The following CLSTN2 variants were observed in gnomAD, a reference collection of about 807,000 sequenced individuals.
CLSTN2 encodes the protein calsyntenin-2.
Under a neutral mutation model 101.2 loss-of-function variants are expected in CLSTN2, and 48 were observed. The observed-to-expected ratio is 0.47, with a 90% CI of 0.38 to 0.60. The LOEUF (loss-of-function observed/expected upper bound fraction) is 0.60, where lower values mean the gene tolerates loss of function less well. CLSTN2 is among the 20% of genes least tolerant of loss of function. CLSTN2 has a pLI of 0.00. For missense variants in CLSTN2, 1,160 were observed against 1,238.2 expected, an observed-to-expected ratio of 0.94 and a Z score of 0.95; for synonymous variants, 481 against 463.6, an observed-to-expected ratio of 1.04 and a Z score of -0.48.
At chr3:140,188,354 A>C (rs1199575399) in intron 2 of CLSTN2, among the ~76,000 whole-genome samples, 1 of 152,194 alleles carries the variant, frequency 6.6e-6, no homozygotes, top group Non-Finnish European at 1.5e-5. Context: ...AGTTCTCAGT[A>C]AATATTTGTT....
intron 10 of CLSTN2, among the ~76,000 whole-genome samples, chr3:140,548,240 A>G (rs917014886): frequency 3.9e-5 from 6 of 152,200 alleles, no homozygotes; most frequent in Non-Finnish European, 5.9e-5. Flanking sequence ...TGTTCTGAGG[A>G]ACTCAGTGAC....
intron 2 of CLSTN2, among the ~76,000 whole-genome samples, chr3:140,306,169 A>G (rs993904268): frequency 2.6e-5 from 4 of 152,194 alleles, no homozygotes; most frequent in Non-Finnish European, 5.9e-5. Context: ...ACAGTTGCAC[A>G]TTCTGTGTAT....
chr3:140,245,855 C>T (rs748985697), intron 2 of CLSTN2, among the ~76,000 whole-genome samples: 8 of 152,206 alleles, frequency 5.3e-5, no homozygotes, highest in Non-Finnish European at 8.8e-5. Flanking sequence ...TTTGTGAGCT[C>T]GCACTTACTG....
At chr3:139,941,793 A>G (rs1366890502) in intron 1 of CLSTN2, among the ~76,000 whole-genome samples, 1 of 152,178 alleles carries the variant, frequency 6.6e-6, no homozygotes, top group African/African-American at 2.4e-5. Flanking sequence ...GTCAAATATT[A>G]TTTCTGCATC....
At chr3:140,483,846 C>A (rs1271100737) in intron 8 of CLSTN2, among the ~76,000 whole-genome samples, 1 of 152,102 alleles carries the variant, frequency 6.6e-6, no homozygotes, top group African/African-American at 2.4e-5. Flanking sequence ...TTATTTTGAG[C>A]CTATGTCTGT....
At chr3:140,133,823 C>G (rs951554697) in intron 1 of CLSTN2, among the ~76,000 whole-genome samples, 2 of 152,114 alleles carry the variant, frequency 1.3e-5, no homozygotes, top group African/African-American at 4.8e-5. Context: ...GTTAAGAAAC[C>G]AAAACAGTTC....
Position 140,403,716 on chromosome 3 carries a change from G to T in CLSTN2, c.320G>T (p.Arg107Leu). The stretch of plus-strand genomic sequence containing the variant: ...AAGACATCAGGAGAGGGCCGGCTCC[G>T]TGCCAAGAGCCCCATTGACTGTGAG... ...LNKTSGEGRL[R>L]AKSPIDCELQ... Residue 107 changes from arginine to leucine, a missense_variant, in exon 3 of 17, where the codon CGT becomes CTT. By Grantham distance (102) the Arg-to-Leu change is moderately radical. Coordinates refer to ENST00000458420, the MANE Select transcript of CLSTN2 (RefSeq NM_022131.3). The T allele has an allele frequency of 6.2e-7, 1 of 1,614,134 alleles. No individual in the cohort carries two copies.
chr3:140,102,748 T>C (rs2008988640), intron 1 of CLSTN2, among the ~76,000 whole-genome samples: 1 of 152,156 alleles, frequency 6.6e-6, no homozygotes, highest in African/African-American at 2.4e-5. Context: ...AGAACTCTAG[T>C]TGTGGTAGTC....
intron 1 of CLSTN2, among the ~76,000 whole-genome samples, chr3:140,069,719 T>C (rs185093345): frequency 6.6e-6 from 1 of 152,320 alleles, no homozygotes; most frequent in African/African-American, 2.4e-5. Context: ...AAACTTGATT[T>C]AGCTAGACTC....
At chr3:140,483,549 A>C (rs2107753024) in intron 8 of CLSTN2, among the ~76,000 whole-genome samples, 1 of 151,638 alleles carries the variant, frequency 6.6e-6, no homozygotes, top group Non-Finnish European at 1.5e-5. Flanking sequence ...GGGGTGTTAA[A>C]CTCTCCCATT....
At chr3:140,396,373 T>C (rs905197575) in intron 2 of CLSTN2, among the ~76,000 whole-genome samples, 1 of 152,194 alleles carries the variant, frequency 6.6e-6, no homozygotes, top group African/African-American at 2.4e-5. Flanking sequence ...AAAATATTTC[T>C]GATGTTGAAA....
intron 2 of CLSTN2, among the ~76,000 whole-genome samples, chr3:140,227,631 G>A (rs922429983): frequency 6.6e-6 from 1 of 152,214 alleles, no homozygotes; most frequent in Non-Finnish European, 1.5e-5. Flanking sequence ...TTTCTCTTCT[G>A]CATTGCCCTA....
chr3:140,522,307 G>A (rs1265050600), intron 8 of CLSTN2, among the ~76,000 whole-genome samples: 1 of 152,176 alleles, frequency 6.6e-6, no homozygotes. Context: ...GCCACAGACC[G>A]CAGCTGCTTT....
At chr3:140,162,152 A>G (rs944663418) in intron 1 of CLSTN2, among the ~76,000 whole-genome samples, 1 of 152,324 alleles carries the variant, frequency 6.6e-6, no homozygotes, top group Non-Finnish European at 1.5e-5. Context: ...ATAAAAGCAA[A>G]GAAAGCAAAT....
intron 2 of CLSTN2, among the ~76,000 whole-genome samples, chr3:140,361,344 A>T (rs74579949): frequency 0.014 from 2,075 of 152,306 alleles, 20 homozygotes; most frequent in Middle Eastern, 0.024. Flanking sequence ...AACCTCACAA[A>T]GAGCATTAAC....
chr3:140,152,255 C>A (rs922593902), intron 1 of CLSTN2, among the ~76,000 whole-genome samples: 5 of 152,184 alleles, frequency 3.3e-5, no homozygotes, highest in African/African-American at 1.2e-4. Flanking sequence ...GTCTCACACA[C>A]TAGATCATCT....
intron 1 of CLSTN2, among the ~76,000 whole-genome samples, chr3:140,069,460 C>T (rs1056505513): frequency 3.9e-5 from 6 of 152,164 alleles, no homozygotes; most frequent in Admixed American, 3.9e-4. Flanking sequence ...CACAATTTTC[C>T]ATGGGCTTCA....
intron 8 of CLSTN2, among the ~76,000 whole-genome samples, chr3:140,525,367 C>A (rs115455930): frequency 2.0e-5 from 3 of 152,104 alleles, no homozygotes; most frequent in Non-Finnish European, 4.4e-5. Flanking sequence ...TTCCTGGTAA[C>A]GCACAATCTC....
At chr3:139,941,998 A>G (rs752137958) in intron 1 of CLSTN2, among the ~76,000 whole-genome samples, 4 of 152,182 alleles carry the variant, frequency 2.6e-5, no homozygotes, top group Non-Finnish European at 5.9e-5. Context: ...CCAAAGTCTC[A>G]GAGCTCAGAG....
Sources: gnomAD v4.1 joint callset for allele counts (sites outside exome capture counted in the v4.1 genomes callset) on GRCh38, gnomAD v4.1.1 for gene constraint, MANE v1.5 for transcripts, NCBI Gene and HGNC (gene_info 2026-07-23, HGNC 2026-07-21) for gene names.